Variants in ASPM observed in about 807,000 individuals in gnomAD.
ASPM encodes the protein assembly factor for spindle microtubules.
Under a neutral mutation model 366.4 loss-of-function variants are expected in ASPM, and 256 were observed. That is an observed-to-expected ratio of 0.70 (90% confidence interval 0.63 to 0.77). The LOEUF (loss-of-function observed/expected upper bound fraction) is 0.77, where lower values mean the gene tolerates loss of function less well. Among genes scored for constraint, ASPM ranks in the 30% least tolerant of loss-of-function variants. ASPM has a pLI of 0.00. For missense variants in ASPM, 4,146 were observed against 4,090.4 expected (o/e 1.01, Z -0.37); for synonymous variants, 1,414 against 1,342.9 (o/e 1.05, Z -1.16).
rs149033568 is a variant in ASPM at position 197,126,266 on chromosome 1, C to A, written c.2937-1075G>T. On this transcript the variant is annotated intron_variant, in intron 10 of 27. Transcript: ENST00000367409. ...GACCAGCCTGACCAACATGGTGAAA[C>A]CCCGTCTCCACTGAAAATACAAAAA... 7.4e-3 allele frequency among the ~76,000 whole-genome samples: 1,121 copies of A among 151,922 alleles called. 13 individuals are homozygous for A. The highest frequency in any genetic ancestry group is 0.026 in the African/African-American group (1,065 of 41,410).
intron 25 of ASPM, 112 bp from the exon 26 acceptor site, chr1:197,088,544 G>A (rs936398461): frequency 3.3e-6 from 3 of 905,050 alleles, no homozygotes; most frequent in Non-Finnish European, 5.1e-6. Context: ...CAAATTTTTG[G>A]ACCACCTGCA....
At chr1:197,138,906 A>C (rs1176000488) in intron 4 of ASPM, 10 of 908,730 alleles carry the variant, frequency 1.1e-5, no homozygotes, top group Non-Finnish European at 1.8e-5. Flanking sequence ...AATCATTTTA[A>C]GATGCTTGAA....
chr1:197,125,280 T>C, intron 10 of ASPM, 89 bp from the exon 11 acceptor site: 2 of 1,465,362 alleles, frequency 1.4e-6, no homozygotes, highest in Non-Finnish European at 1.9e-6. Flanking sequence ...CCCACATAAA[T>C]CCCAACAGTT....
rs1170444351 is a variant in ASPM at position 197,142,917 on chromosome 1, T to C, written c.1335A>G (p.Lys445=). The change falls in exon 3 of 28, where the codon AAA becomes AAG. Residue 445 remains lysine, a synonymous_variant. Transcript: ENST00000367409. ...GTTCTTCAAAAATAGCTTTGGGAGATTTTGAACCCTGACATTCAGGAATAC... is the reference window on the plus strand; with the variant it reads ...GTTCTTCAAAAATAGCTTTGGGAGACTTTGAACCCTGACATTCAGGAATAC... ...SPRIPECQGS[K]SPKAIFEELV... The C allele has an allele frequency of 6.2e-7, 1 of 1,613,940 alleles. No individual in the cohort carries two copies. The highest frequency in any genetic ancestry group is 1.7e-5 in the Admixed American group (1 of 60,024).
intron 23 of ASPM, 28 bp downstream of exon 23, chr1:197,090,822 G>GAACTAA (rs751489737): frequency 6.3e-7 from 1 of 1,588,512 alleles, no homozygotes; most frequent in Non-Finnish European, 8.6e-7. Context: ...CTAAAGTTTT[G>GAACTAA]AACTAAAACT....
chr1:197,112,530 A>G (rs1657620030), intron 17 of ASPM, among the ~76,000 whole-genome samples: 11 of 152,136 alleles, frequency 7.2e-5, no homozygotes, highest in Admixed American at 7.2e-4. Context: ...CTTAAAGAAA[A>G]ACTCAAGCTG....
rs1230290238 is a variant in ASPM, at chr1:197,102,056, T to C, written c.7195A>G (p.Lys2399Glu). The change falls in exon 18 of 28, where the codon AAA becomes GAA. Residue 2399 changes from lysine (K) to glutamate (E), a missense_variant. This residue lies in a region of ASPM where 3,624 missense variants were observed against 3,591.7 expected (regional missense o/e 1.01). Coordinates refer to ENST00000367409, the MANE Select transcript of ASPM (RefSeq NM_018136.5). ...ATACTCTTCAAATGTCTTCTAGTTT[T>C]CATACCCCTGAATGCAGCCTGAAGG... The part of the protein sequence containing the change: ...VILQAAFRGM[K>E]TRRHLKSMHS... 5 of 1,612,926 alleles carry C rather than the reference T, an allele frequency of 3.1e-6. No homozygotes were observed. In the African/African-American group the frequency reaches 6.7e-5, roughly 22 times the overall value.
chr1:197,099,842 T>TC (rs1184387595), intron 18 of ASPM, among the ~76,000 whole-genome samples: 1 of 151,766 alleles, frequency 6.6e-6, no homozygotes, highest in Non-Finnish European at 1.5e-5. Context: ...TGGATCTGCC[T>TC]CTCTCTATGC....
In ASPM at chr1:197,091,026, T is replaced by C. The variant is rs1656766994; in HGVS notation, c.9460A>G (p.Arg3154Gly). 4 of 1,611,122 alleles carry C rather than the reference T, an allele frequency of 2.5e-6. No individual in the cohort carries two copies. Among genetic ancestry groups the C allele is most frequent in the Non-Finnish European group, 3.4e-6 (4 of 1,178,176 alleles). The stretch of plus-strand genomic sequence containing the variant: ...TGAATAAATCTCTTTTCTTGTAATC[T>C]TGCTCGAAACCATCTCTGTTTAAAA... ...VICIQRWFRA[R>G]LQEKRFIQKY... Residue 3154 changes from arginine to glycine, a missense_variant, in exon 23 of 28, where the codon AGA becomes GGA. By Grantham distance (125) the Arg-to-Gly change is moderately radical. This residue lies in a region of ASPM where 3,624 missense variants were observed against 3,591.7 expected (regional missense o/e 1.01). Transcript: ENST00000367409.
intron 17 of ASPM, among the ~76,000 whole-genome samples, chr1:197,116,569 A>G (rs1170682918): frequency 6.6e-6 from 1 of 152,114 alleles, no homozygotes; most frequent in African/African-American, 2.4e-5. Context: ...AAAACGAGGT[A>G]TGCCTATATG....
chr1:197,110,446 T>C (rs781127491), intron 17 of ASPM, among the ~76,000 whole-genome samples: 1 of 152,004 alleles, frequency 6.6e-6, no homozygotes, highest in African/African-American at 2.4e-5. Context: ...AAATTTAGAA[T>C]GAAAAATTAT....
intron 18 of ASPM, 58 bp from the exon 19 acceptor site, chr1:197,096,222 T>G (rs1010051962): frequency 5.0e-6 from 7 of 1,412,364 alleles, no homozygotes; most frequent in Non-Finnish European, 6.9e-6. Context: ...TTTTTGTAAA[T>G]AAGACAAATC....
chr1:197,144,763 C>T (rs561226634), intron 1 of ASPM, among the ~76,000 whole-genome samples: 1 of 152,338 alleles, frequency 6.6e-6, no homozygotes, highest in African/African-American at 2.4e-5. Flanking sequence ...CTACACCCCA[C>T]ACCCTGGCAG....
At chr1:197,093,006 T>C in intron 21 of ASPM, 46 bp downstream of exon 21, 1 of 1,478,000 alleles carries the variant, frequency 6.8e-7, no homozygotes, top group Non-Finnish European at 9.4e-7. Context: ...TAACATCAAG[T>C]GCTTTCATTT....
Position 197,103,729 on chromosome 1 carries a change from C to A in ASPM, c.5522G>T (p.Arg1841Met). ...TTGAAGCACAGATTGATATTTTACC[C>A]TTTTATTATAGCCTCTAAAAGCAGA... ...IQSAFRGYNK[R>M]VKYQSVLQSI... Residue 1841 changes from arginine to methionine, a missense_variant, in exon 18 of 28, where the codon AGG (arginine) becomes ATG (methionine). Coordinates refer to ENST00000367409, the MANE Select transcript of ASPM (RefSeq NM_018136.5). The A allele has an allele frequency of 6.2e-7, 1 of 1,612,800 alleles. No individual in the cohort carries two copies. Among genetic ancestry groups the A allele is most frequent in the Non-Finnish European group, 8.5e-7 (1 of 1,179,340 alleles).
chr1:197,123,116 T>C lies in ASPM; in HGVS notation c.3391-521A>G, dbSNP rs143757192. On this transcript the variant is annotated intron_variant, in intron 13 of 27. Transcript: ENST00000367409. ...ATTATAATTCACGCCTGCATTAAAA[T>C]TAGTTAACGCATATATTTTCTGTAT... 9.1e-3 allele frequency among the ~76,000 whole-genome samples: 1,380 copies of C among 152,282 alleles called. 18 individuals carry two copies. Among genetic ancestry groups the C allele is most frequent in the African/African-American group, 0.029 (1,225 of 41,560 alleles).
intron 17 of ASPM, among the ~76,000 whole-genome samples, chr1:197,116,232 A>C (rs1403723477): frequency 6.6e-6 from 1 of 152,098 alleles, no homozygotes; most frequent in African/African-American, 2.4e-5. Flanking sequence ...CAGCTTCCTT[A>C]CTTCTGTCAA....
Position 197,124,071 on chromosome 1 carries a change from A to G in ASPM, c.3390+39T>C, listed in dbSNP as rs368647876. 6 of 1,514,824 alleles carry G rather than the reference A, an allele frequency of 4.0e-6. No homozygotes were observed. The Admixed American group carries it at 5.3e-5, about 13-fold the overall frequency. The allele number at this position is 1,514,824 out of a possible 1,614,324, so 93.8% of individuals were successfully genotyped here. On this transcript the variant is annotated intron_variant, in intron 13 of 27. Coordinates refer to ENST00000367409, the MANE Select transcript of ASPM (RefSeq NM_018136.5). ...TAAGTGACTTTCATCAAAATTTATTAAAATATATTGGGTTAAAACAAAAAA... is the reference window on the plus strand; with the variant it reads ...TAAGTGACTTTCATCAAAATTTATTGAAATATATTGGGTTAAAACAAAAAA...
intron 17 of ASPM, among the ~76,000 whole-genome samples, chr1:197,107,635 G>A (rs185462176): frequency 7.2e-5 from 11 of 152,096 alleles, no homozygotes; most frequent in East Asian, 3.9e-4. Flanking sequence ...AACTGACAAC[G>A]ACTTTAGAGC....
Sources: gnomAD v4.1 joint callset for allele counts (sites outside exome capture counted in the v4.1 genomes callset) on GRCh38, gnomAD v4.1.1 for gene constraint, gnomAD v4.1.1 regional missense constraint, MANE v1.5 for transcripts, NCBI Gene and HGNC (gene_info 2026-07-23, HGNC 2026-07-21) for gene names.